The following DPP6 variants were observed in gnomAD, a reference collection of about 807,000 sequenced individuals.
DPP6 encodes A-type potassium channel modulatory protein DPP6.
DPP6 carries 69 observed loss-of-function variants against 122.6 expected under a neutral mutation model. The ratio of observed to expected loss-of-function variants is 0.56; its 90% CI spans 0.46 to 0.69. The LOEUF (loss-of-function observed/expected upper bound fraction) is 0.69, where lower values mean the gene tolerates loss of function less well. Among genes scored for constraint, DPP6 ranks in the 30% least tolerant of loss-of-function variants. The pLI is 0.00. For synonymous variants in DPP6, 418 were observed against 433.1 expected (o/e 0.97, Z 0.43); for missense variants, 928 against 1,116.9 (o/e 0.83, Z 2.41).
intron 5 of DPP6, among the ~76,000 whole-genome samples, chr7:154,596,939 T>G (rs1200628941): frequency 6.6e-6 from 1 of 152,196 alleles, no homozygotes; most frequent in Non-Finnish European, 1.5e-5. Context: ...ATTCTCCAAG[T>G]TATTAGCTAA....
At chr7:153,984,354 GA>G (rs1253461415) in intron 1 of DPP6, among the ~76,000 whole-genome samples, 2 of 152,146 alleles carry the variant, frequency 1.3e-5, no homozygotes, top group Admixed American at 1.3e-4. Context: ...AGGGCCTAAA[GA>G]AAAACTTTTT....
At chr7:154,032,073 T>C (rs1163155439) in intron 1 of DPP6, among the ~76,000 whole-genome samples, 14 of 150,498 alleles carry the variant, frequency 9.3e-5, no homozygotes. Context: ...GGTTTCACCG[T>C]GTTAGCCAGG....
intron 1 of DPP6, among the ~76,000 whole-genome samples, chr7:154,429,724 A>G (rs1818200842): frequency 1.3e-5 from 2 of 152,172 alleles, no homozygotes; most frequent in Non-Finnish European, 2.9e-5. Flanking sequence ...ACCCAAGGCT[A>G]ATGTGGAGAC....
At chr7:154,172,126 C>A (rs1005973438) in intron 1 of DPP6, among the ~76,000 whole-genome samples, 1 of 133,836 alleles carries the variant, frequency 7.5e-6, no homozygotes, top group Non-Finnish European at 1.6e-5. Flanking sequence ...TTCTGTGCCC[C>A]TCCCTCCCTT....
intron 1 of DPP6, among the ~76,000 whole-genome samples, chr7:154,413,368 G>A (rs914691953): frequency 3.9e-5 from 6 of 152,198 alleles, no homozygotes; most frequent in African/African-American, 1.4e-4. Context: ...CATATTGCAG[G>A]AATCTTTTTG....
intron 1 of DPP6, among the ~76,000 whole-genome samples, chr7:154,446,001 G>A (rs184269931): frequency 1.3e-5 from 2 of 152,326 alleles, no homozygotes; most frequent in Admixed American, 1.3e-4. Flanking sequence ...TTTGGCCATA[G>A]TACAGGAAAA....
chr7:153,970,045 G>A (rs967265489), intron 1 of DPP6, among the ~76,000 whole-genome samples: 8 of 152,180 alleles, frequency 5.3e-5, no homozygotes, highest in African/African-American at 1.9e-4. Flanking sequence ...GTAGAATTTC[G>A]TTATATGGAC....
rs540863364 is a variant in DPP6, at chr7:154,709,512, G to A, written c.763-18255G>A. Among the ~76,000 whole-genome samples, 23 of 151,800 alleles carry A rather than the reference G, an allele frequency of 1.5e-4. 2 individuals are homozygous for A. In the South Asian group the frequency reaches 3.8e-3, roughly 25 times the overall value. On this transcript the variant is annotated intron_variant, in intron 7 of 25. Transcript: ENST00000377770. ...TAGGATTACAGGCAGGAGCCACCAT[G>A]CTCAGCTCGAAGTTTATTTTAAGGT...
At chr7:154,580,926 T>G (rs547608806) in intron 5 of DPP6, among the ~76,000 whole-genome samples, 3 of 152,216 alleles carry the variant, frequency 2.0e-5, no homozygotes, top group East Asian at 1.9e-4. Flanking sequence ...TTAACACGGG[T>G]CCCTTCTGCT....
At chr7:153,819,284 A>G in the DPP6 span, among the ~76,000 whole-genome samples, 1 of 138,854 alleles carries the variant, frequency 7.2e-6, no homozygotes, top group Admixed American at 7.4e-5. Context: ...GTTCCCCTCT[A>G]TGTGTCCTGT....
At chr7:154,061,951 C>T (rs1802014817) in intron 1 of DPP6, among the ~76,000 whole-genome samples, 3 of 132,064 alleles carry the variant, frequency 2.3e-5, no homozygotes, top group South Asian at 5.4e-4. Context: ...GGAGGCAACC[C>T]TGCGAGGGTG....
At chr7:154,411,685 T>C (rs1422874817) in intron 1 of DPP6, among the ~76,000 whole-genome samples, 1 of 152,238 alleles carries the variant, frequency 6.6e-6, no homozygotes, top group Non-Finnish European at 1.5e-5. Flanking sequence ...AACTCTGTTT[T>C]CTTTTAGGCT....
At chr7:154,581,831 T>C (rs1832090467) in intron 5 of DPP6, among the ~76,000 whole-genome samples, 1 of 152,184 alleles carries the variant, frequency 6.6e-6, no homozygotes, top group South Asian at 2.1e-4. Flanking sequence ...GACTCTCTCA[T>C]ATCCCCGGAA....
chr7:154,560,784 G>C (rs1325100130), intron 4 of DPP6, among the ~76,000 whole-genome samples: 1 of 151,836 alleles, frequency 6.6e-6, no homozygotes, highest in Non-Finnish European at 1.5e-5. Context: ...TCGGGAGGCT[G>C]AGGCAGGACA....
intron 1 of DPP6, among the ~76,000 whole-genome samples, chr7:154,001,114 C>T (rs1458649862): frequency 6.6e-6 from 1 of 151,782 alleles, no homozygotes; most frequent in Non-Finnish European, 1.5e-5. Flanking sequence ...CAGATCAGCC[C>T]AGCAGTGAGG....
At chr7:154,229,662 C>T (rs6962060) in intron 1 of DPP6, among the ~76,000 whole-genome samples, 1 of 152,096 alleles carries the variant, frequency 6.6e-6, no homozygotes, top group Non-Finnish European at 1.5e-5. Flanking sequence ...GCATTTCTTC[C>T]ATAAACTTTT....
intron 8 of DPP6, among the ~76,000 whole-genome samples, chr7:154,765,810 C>A (rs191408569): frequency 6.6e-6 from 1 of 152,292 alleles, no homozygotes; most frequent in Non-Finnish European, 1.5e-5. Flanking sequence ...TATACTTGCT[C>A]AGAAAGCCAA....
intron 5 of DPP6, among the ~76,000 whole-genome samples, chr7:154,611,853 A>G (rs1833928089): frequency 6.8e-6 from 1 of 147,836 alleles, no homozygotes; most frequent in South Asian, 2.1e-4. Context: ...TTGCTTTCAT[A>G]TATGTGTGTG....
intron 1 of DPP6, chr7:154,095,265 G>C (rs2150558975): frequency 6.8e-6 from 1 of 146,888 alleles, no homozygotes; most frequent in Admixed American, 6.8e-5. Context: ...CCTGGACCCA[G>C]GTTCACACCT....
Sources: allele counts gnomAD v4.1 joint callset (sites outside exome capture counted in the v4.1 genomes callset), GRCh38; gene constraint gnomAD v4.1.1; transcripts MANE v1.5; gene names NCBI Gene and HGNC (gene_info 2026-07-23, HGNC 2026-07-21).